Variants in CACNA1H observed in about 807,000 individuals in gnomAD.
The protein encoded by CACNA1H is calcium voltage-gated channel subunit alpha1 H, also known as voltage-dependent T-type calcium channel subunit alpha-1H.
CACNA1H carries 149 observed loss-of-function variants against 192.5 expected under a neutral mutation model. That is an observed-to-expected ratio of 0.77 (90% CI 0.68 to 0.89). The LOEUF is 0.89. CACNA1H is among the 40% of genes least tolerant of loss of function. The pLI, the probability that CACNA1H is intolerant of heterozygous loss-of-function variation, is 0.00. For synonymous variants in CACNA1H, 2,202 were observed against 1,475.2 expected (o/e 1.49, Z -11.29); for missense variants, 4,257 against 3,423.5 (o/e 1.24, Z -6.08).
intron 5 of CACNA1H, among the ~76,000 whole-genome samples, chr16:1,197,593 C>T (rs1020947395): frequency 2.6e-5 from 4 of 152,216 alleles, no homozygotes; most frequent in Admixed American, 2.6e-4. Context: ...TAGGGGTCCA[C>T]TCTGACCTCT....
rs377664502 is a variant in CACNA1H at position 1,194,935 on chromosome 16, G to T, written c.300-37G>T. 9.9e-6 allele frequency: 15 copies of T among 1,510,482 alleles called. No homozygotes were observed. The African/African-American group carries it at 2.1e-4, about 21-fold the overall frequency. The allele number at this position is 1,510,482 out of a possible 1,614,324, so 93.6% of individuals were successfully genotyped here. ...GGAGGGCCCCATGGGAGCGGGTCCC[G>T]GGCCGCGCCGGTGTGCTCCTTAACC... is the stretch of plus-strand genomic sequence containing the variant. On this transcript the variant is annotated intron_variant, in intron 2 of 34. Coordinates refer to ENST00000348261, the MANE Select transcript of CACNA1H (RefSeq NM_021098.3).
At position 1,216,921 on chromosome 16, in the gene CACNA1H, CTCT is replaced by C; in HGVS notation, c.5245-9_5245-7del. On this transcript the variant is annotated splice_polypyrimidine_tract_variant and splice_region_variant and intron_variant, in intron 30 of 34. Transcript: ENST00000348261. Reference sequence around the variant, plus strand: ...GCCCGTCTGACCCAGCTCTGCTTCTCTCTTGTGTAGGTGGGGAACCTGGGCCTT... The same window carrying C: ...GCCCGTCTGACCCAGCTCTGCTTCTCTGTGTAGGTGGGGAACCTGGGCCTT... 6.3e-7 allele frequency: 1 copy of C among 1,597,468 alleles called. No individual in the cohort carries two copies. Among genetic ancestry groups the C allele is most frequent in the Non-Finnish European group, 8.5e-7 (1 of 1,171,840 alleles).
Position 1,202,127 on chromosome 16 carries a change from A to G in CACNA1H, c.1677A>G (p.Pro559=), listed in dbSNP as rs2141259471. Residue 559 remains proline (P), a synonymous_variant, in exon 9 of 35, where the codon CCA becomes CCG. Transcript: ENST00000348261. The part of the protein sequence containing the change: ...RLVRAGAPPS[P]PSPGRGPPDA... ...TCCGAGCTGGCGCGCCCCCCTCGCCACCTTCCCCAGGCCGCGGACCCCCCG... is the reference window on the plus strand; with the variant it reads ...TCCGAGCTGGCGCGCCCCCCTCGCCGCCTTCCCCAGGCCGCGGACCCCCCG... 6.5e-7 allele frequency: 1 copy of G among 1,547,610 alleles called. No individual in the cohort carries two copies. Among genetic ancestry groups the G allele is most frequent in the Non-Finnish European group, 8.7e-7 (1 of 1,146,058 alleles).
At chr16:1,196,525 T>C (rs2141206563) in intron 5 of CACNA1H, among the ~76,000 whole-genome samples, 1 of 152,328 alleles carries the variant, frequency 6.6e-6, no homozygotes, top group Admixed American at 6.5e-5. Context: ...CCGCCACTGC[T>C]TCTGGCCCCT....
chr16:1,201,674 C>G lies in CACNA1H; in HGVS notation c.1224C>G (p.Phe408Leu), dbSNP rs376394318. The G allele has an allele frequency of 3.8e-6, 6 of 1,598,904 alleles. No individual in the cohort carries two copies. The African/African-American group carries it at 5.4e-5, about 14-fold the overall frequency. Residue 408 changes from phenylalanine (F) to leucine (L), a missense_variant, in exon 9 of 35, where the codon TTC becomes TTG. Transcript: ENST00000348261. Reference sequence around the variant, plus strand: ...CGCCCCCGTCACAGGTGGGCTCCTTCTTCATGATCAACCTGTGCCTGGTGG... The same window carrying G: ...CGCCCCCGTCACAGGTGGGCTCCTTGTTCATGATCAACCTGTGCCTGGTGG... ...YFILLIIVGS[F>L]FMINLCLVVI...
At chr16:1,207,184 C>T (rs891302293) in intron 13 of CACNA1H, 66 bp downstream of exon 13, 45 of 1,544,722 alleles carry the variant, frequency 2.9e-5, no homozygotes, top group East Asian at 1.9e-4. Context: ...GTGGAGGTGC[C>T]GTCCTGCGCA....
rs965429431 is a variant in CACNA1H at position 1,221,048 on chromosome 16, G to C, written c.*54G>C. 4 of 1,380,824 alleles carry C rather than the reference G, an allele frequency of 2.9e-6. No homozygotes were observed. In the Admixed American group the frequency reaches 1.0e-4, roughly 36 times the overall value. The allele number at this position is 1,380,824 out of a possible 1,614,324, so 85.5% of individuals were successfully genotyped here. ...GGCCCTGGGGTCTGGGGGCCCCGCT[G>C]GGGTGGAGGCCCAGGCAGAACCCTG... On this transcript the variant is annotated 3_prime_UTR_variant, in exon 35 of 35. Coordinates refer to ENST00000348261, the MANE Select transcript of CACNA1H (RefSeq NM_021098.3).
chr16:1,153,975 T>G lies in CACNA1H; in HGVS notation c.238T>G (p.Phe80Val), dbSNP rs1372002770. ...VPYPALAATV[F>V]FCLGQTTRPR... The stretch of plus-strand genomic sequence containing the variant: ...GTACCCGGCCTTGGCGGCCACGGTC[T>G]TCTTCTGCCTCGGTCAGACCACGCG... Residue 80 changes from phenylalanine to valine, a missense_variant, in exon 2 of 35, where the codon TTC (phenylalanine) becomes GTC (valine). Phe to Val is a conservative substitution (Grantham distance 50). Coordinates refer to ENST00000348261, the MANE Select transcript of CACNA1H (RefSeq NM_021098.3). 6.8e-5 allele frequency: 99 copies of G among 1,446,424 alleles called. No homozygotes were observed. Among genetic ancestry groups the G allele is most frequent in the Admixed American group, 9.7e-5 (4 of 41,070 alleles). 89.6% of individuals were successfully genotyped at this position (1,446,424 alleles called of 1,614,324 possible).
intron 30 of CACNA1H, among the ~76,000 whole-genome samples, chr16:1,215,966 C>T (rs1385607529): frequency 6.6e-6 from 1 of 152,122 alleles, no homozygotes; most frequent in Non-Finnish European, 1.5e-5. Flanking sequence ...GGGGCCCCCT[C>T]GGAGCCCACA....
At chr16:1,160,381 A>T (rs1963036695) in intron 2 of CACNA1H, among the ~76,000 whole-genome samples, 1 of 152,146 alleles carries the variant, frequency 6.6e-6, no homozygotes, top group African/African-American at 2.4e-5. Context: ...ACAAGGGGTG[A>T]AGTCAGCCGG....
intron 2 of CACNA1H, among the ~76,000 whole-genome samples, chr16:1,174,628 A>G (rs1964686005): frequency 1.3e-5 from 2 of 152,178 alleles, no homozygotes; most frequent in Non-Finnish European, 2.9e-5. Context: ...ACCTTCCAGA[A>G]CACAGCAGAA....
In CACNA1H at chr16:1,195,455, C is replaced by A; in HGVS notation, c.435C>A (p.Ala145=). ...AGGCCTTTGACGCCTTCATTTTCGC[C>A]TTTTTTGCGGTGGAGATGGTCATCA... ...ILEAFDAFIF[A]FFAVEMVIKM... Residue 145 remains alanine (A), a synonymous_variant, in exon 4 of 35, where the codon GCC becomes GCA. Transcript: ENST00000348261. The A allele has an allele frequency of 6.4e-7, 1 of 1,563,030 alleles. No individual in the cohort carries two copies. Among genetic ancestry groups the A allele is most frequent in the Non-Finnish European group, 8.7e-7 (1 of 1,153,336 alleles).
chr16:1,167,558 G>T lies in CACNA1H; in HGVS notation c.299+13522G>T, dbSNP rs1963924047. On this transcript the variant is annotated intron_variant, in intron 2 of 34. Transcript: ENST00000348261. The surrounding 1 kb of genome is among the most constrained non-coding windows in gnomAD (Gnocchi z 4.2). ...TGTTACCTTTGCCAAGTCGAGGAAG[G>T]CTGGAGCCACACTCCTCACCGCGGC... Among the ~76,000 whole-genome samples the T allele has an allele frequency of 6.6e-6, 1 of 152,210 alleles. No homozygotes were observed. Among genetic ancestry groups the T allele is most frequent in the African/African-American group, 2.4e-5 (1 of 41,450 alleles).
Position 1,211,936 on chromosome 16 carries a change from T to G in CACNA1H, c.4567-10T>G, listed in dbSNP as rs768069906. On this transcript the variant is annotated splice_polypyrimidine_tract_variant and intron_variant, in intron 24 of 34. Coordinates refer to ENST00000348261, the MANE Select transcript of CACNA1H (RefSeq NM_021098.3). ...CAGGCGGGCGGGGACCCACCGCCTC[T>G]GTGCCACAGCCTGTGCAGAACCACA... 1 of 1,612,910 alleles carries G rather than the reference T, an allele frequency of 6.2e-7. No homozygotes were observed. Among genetic ancestry groups the G allele is most frequent in the Non-Finnish European group, 8.5e-7 (1 of 1,179,628 alleles).
chr16:1,163,442 C>G (rs1664242415), intron 2 of CACNA1H, among the ~76,000 whole-genome samples: 1 of 152,240 alleles, frequency 6.6e-6, no homozygotes, highest in African/African-American at 2.4e-5. Context: ...TGCCCAGCCC[C>G]CTCTGAAGCC....
intron 17 of CACNA1H, 78 bp downstream of exon 17, chr16:1,209,490 T>C: frequency 6.5e-7 from 1 of 1,545,308 alleles, no homozygotes; most frequent in Non-Finnish European, 8.8e-7. Flanking sequence ...GGGTTTGAGA[T>C]GGGATTCAGG....
At chr16:1,170,732 C>T (rs983892428) in intron 2 of CACNA1H, among the ~76,000 whole-genome samples, 1 of 152,064 alleles carries the variant, frequency 6.6e-6, no homozygotes, top group East Asian at 1.9e-4. Context: ...TGGGTTGGGC[C>T]CCCCCACCGC....
chr16:1,187,547 A>C (rs1375452443), intron 2 of CACNA1H, among the ~76,000 whole-genome samples: 1 of 152,216 alleles, frequency 6.6e-6, no homozygotes, highest in African/African-American at 2.4e-5. Flanking sequence ...CTGGCTGAGC[A>C]GATTGCTCTA....
chr16:1,199,902 T>C (rs1423825322), intron 6 of CACNA1H, among the ~76,000 whole-genome samples: 1 of 152,120 alleles, frequency 6.6e-6, no homozygotes, highest in Non-Finnish European at 1.5e-5. Context: ...CCTGGGTTTC[T>C]GGCTCTTGGG....
Sources: gnomAD v4.1 joint callset for allele counts (sites outside exome capture counted in the v4.1 genomes callset) on GRCh38, gnomAD v4.1.1 for gene constraint, Gnocchi (gnomAD v3.1) non-coding constraint, MANE v1.5 for transcripts, NCBI Gene and HGNC (gene_info 2026-07-23, HGNC 2026-07-21) for gene names.